CDH8: variants seen among roughly 807,000 people sequenced by gnomAD.
CDH8 encodes the protein cadherin-8.
CDH8 carries 17 observed loss-of-function variants against 68.1 expected under a neutral mutation model. The ratio of observed to expected loss-of-function variants is 0.25; its 90% CI spans 0.17 to 0.37. The LOEUF (loss-of-function observed/expected upper bound fraction) is 0.37. Ranked by LOEUF, CDH8 falls within the 10% of genes least tolerant of loss-of-function variation. CDH8 has a pLI of 1.00. For synonymous variants in CDH8, 372 were observed against 365.1 expected (o/e 1.02, Z -0.21); for missense variants, 763 against 999.3 (o/e 0.76, Z 3.19).
At chr16:61,938,078 C>T (rs1964654817) in intron 2 of CDH8, 1 of 152,104 alleles carries the variant, frequency 6.6e-6, no homozygotes, top group African/African-American at 2.4e-5. Flanking sequence ...AAAACTAAAA[C>T]ACTTCATGTT....
chr16:61,897,132 A>T (rs2143234860), intron 3 of CDH8, among the ~76,000 whole-genome samples: 1 of 149,958 alleles, frequency 6.7e-6, no homozygotes, highest in African/African-American at 2.4e-5. Flanking sequence ...TATATACAAC[A>T]TATATATGTT....
At chr16:61,979,276 G>T (rs1965492201) in intron 2 of CDH8, among the ~76,000 whole-genome samples, 1 of 152,192 alleles carries the variant, frequency 6.6e-6, no homozygotes, top group African/African-American at 2.4e-5. Flanking sequence ...CAGGTGGATT[G>T]AAGAAATGTG....
At chr16:61,852,471 A>C (rs1962956237) in intron 4 of CDH8, among the ~76,000 whole-genome samples, 1 of 152,068 alleles carries the variant, frequency 6.6e-6, no homozygotes, top group African/African-American at 2.4e-5. Context: ...TCCTTGTATG[A>C]TCTAGAAGCA....
At chr16:61,746,266 T>C (rs113446751) in intron 8 of CDH8, among the ~76,000 whole-genome samples, 15 of 152,192 alleles carry the variant, frequency 9.9e-5, no homozygotes, top group African/African-American at 3.6e-4. Context: ...CCCTGAAATC[T>C]AACTTTTGTC....
At chr16:62,014,038 C>T (rs1397594588) in intron 2 of CDH8, among the ~76,000 whole-genome samples, 1 of 152,138 alleles carries the variant, frequency 6.6e-6, no homozygotes, top group African/African-American at 2.4e-5. Context: ...TCTCTCACCT[C>T]ATCCCTTGGT....
intron 10 of CDH8, among the ~76,000 whole-genome samples, chr16:61,661,362 A>G (rs962265391): frequency 1.3e-5 from 2 of 151,874 alleles, no homozygotes; most frequent in African/African-American, 2.4e-5. Context: ...ACAAACCTCA[A>G]TACATGATAG....
intron 3 of CDH8, among the ~76,000 whole-genome samples, chr16:61,880,006 A>C (rs981300573): frequency 6.6e-6 from 1 of 151,806 alleles, no homozygotes; most frequent in Non-Finnish European, 1.5e-5. Context: ...GCTCACTGCA[A>C]CCTCTGCCTT....
intron 9 of CDH8, 110 bp downstream of exon 9, chr16:61,726,984 G>C: frequency 8.6e-7 from 1 of 1,166,430 alleles, no homozygotes; most frequent in Non-Finnish European, 1.2e-6. Context: ...TTTCTTGCCT[G>C]AGACTTTGCA....
At chr16:61,855,680 C>A (rs1963030241) in intron 4 of CDH8, among the ~76,000 whole-genome samples, 1 of 152,166 alleles carries the variant, frequency 6.6e-6, no homozygotes, top group South Asian at 2.1e-4. Context: ...TAACACATTT[C>A]TGTCTTACAG....
At chr16:62,010,047 C>A (rs1901769843) in intron 2 of CDH8, among the ~76,000 whole-genome samples, 1 of 152,106 alleles carries the variant, frequency 6.6e-6, no homozygotes, top group South Asian at 2.1e-4. Context: ...CAGGCTATAC[C>A]AATGTCCTCT....
At chr16:61,928,946 T>C (rs1329415212) in intron 2 of CDH8, among the ~76,000 whole-genome samples, 6 of 152,202 alleles carry the variant, frequency 3.9e-5, no homozygotes, top group Non-Finnish European at 7.3e-5. Flanking sequence ...TCTCGTTCAG[T>C]TGCCCAGGCT....
intron 10 of CDH8, among the ~76,000 whole-genome samples, chr16:61,679,424 G>T (rs1010020513): frequency 6.6e-6 from 1 of 151,788 alleles, no homozygotes; most frequent in Admixed American, 6.6e-5. Flanking sequence ...CAATTTTTTT[G>T]AATGCATTTC....
chr16:61,879,771 C>T (rs1963534272), intron 3 of CDH8, among the ~76,000 whole-genome samples: 2 of 152,124 alleles, frequency 1.3e-5, no homozygotes. Flanking sequence ...CTGTGATAGG[C>T]CCCGAAAAAC....
chr16:61,657,109 C>T (rs1387460759), intron 10 of CDH8, among the ~76,000 whole-genome samples: 2 of 151,588 alleles, frequency 1.3e-5, no homozygotes, highest in Non-Finnish European at 2.9e-5. Context: ...ACAGGGCTAC[C>T]TAATCATTGC....
At chr16:61,899,418 G>C (rs1201813979) in intron 3 of CDH8, among the ~76,000 whole-genome samples, 1 of 152,000 alleles carries the variant, frequency 6.6e-6, no homozygotes, top group East Asian at 1.9e-4. Context: ...TGATTTTACG[G>C]CCAGCCACAT....
chr16:62,018,828 T>G (rs1902004318), intron 2 of CDH8, among the ~76,000 whole-genome samples: 1 of 152,166 alleles, frequency 6.6e-6, no homozygotes, highest in Admixed American at 6.5e-5. Flanking sequence ...AACATTTCTG[T>G]CATTCAGAGA....
intron 2 of CDH8, among the ~76,000 whole-genome samples, chr16:61,914,993 A>G (rs1964216594): frequency 6.6e-6 from 1 of 152,246 alleles, no homozygotes; most frequent in Admixed American, 6.5e-5. Context: ...GAGAGCCAAT[A>G]CAGTATTTTC....
chr16:61,838,007 A>G (rs1191775069), intron 4 of CDH8, among the ~76,000 whole-genome samples: 1 of 152,128 alleles, frequency 6.6e-6, no homozygotes, highest in African/African-American at 2.4e-5. Context: ...GAGAGTTACT[A>G]AACAGAGGGT....
At chr16:62,024,760 A>G (rs1445722370) in intron 1 of CDH8, among the ~76,000 whole-genome samples, 2 of 152,244 alleles carry the variant, frequency 1.3e-5, no homozygotes, top group Admixed American at 1.3e-4. Context: ...TTGTGTTCAA[A>G]ACTGAGGCAG....
Sources: allele counts gnomAD v4.1 joint callset (sites outside exome capture counted in the v4.1 genomes callset), GRCh38; gene constraint gnomAD v4.1.1; transcripts MANE v1.5; gene names NCBI Gene and HGNC (gene_info 2026-07-23, HGNC 2026-07-21).